Variants in NTRK3 observed in about 807,000 individuals in gnomAD.
The protein encoded by NTRK3 is NT-3 growth factor receptor.
A neutral mutation model predicts 91.7 loss-of-function variants in NTRK3; 24 were observed. That is an observed-to-expected ratio of 0.26 (90% CI 0.19 to 0.37). The LOEUF (loss-of-function observed/expected upper bound fraction) is 0.37, where lower values mean the gene tolerates loss of function less well. Among genes scored for constraint, NTRK3 ranks in the 10% least tolerant of loss-of-function variants. The pLI, the probability that NTRK3 is intolerant of heterozygous loss-of-function variation, is 1.00. For missense variants in NTRK3, 880 were observed against 1,068.9 expected, an observed-to-expected ratio of 0.82 and a Z score of 2.46; for synonymous variants, 483 against 404.0, an observed-to-expected ratio of 1.20 and a Z score of -2.34.
chr15:87,953,001 C>A (rs1052847093), intron 14 of NTRK3, among the ~76,000 whole-genome samples: 3 of 152,186 alleles, frequency 2.0e-5, no homozygotes, highest in Admixed American at 6.5e-5. Context: ...ATTCGTTCCG[C>A]AAGGCCTCCG....
At chr15:88,007,947 T>C (rs1040708981) in intron 14 of NTRK3, among the ~76,000 whole-genome samples, 1 of 152,172 alleles carries the variant, frequency 6.6e-6, no homozygotes, top group African/African-American at 2.4e-5. Context: ...TGTAGCTTCC[T>C]AGAATCATGG....
chr15:88,002,249 C>T (rs1040966659), intron 14 of NTRK3, among the ~76,000 whole-genome samples: 3 of 138,988 alleles, frequency 2.2e-5, no homozygotes, highest in Non-Finnish European at 4.5e-5. Context: ...ACTCCTCAAG[C>T]TATAAAGCAT....
chr15:87,900,788 T>A (rs76435069), intron 17 of NTRK3, among the ~76,000 whole-genome samples: 5,268 of 150,972 alleles, frequency 0.035, 221 homozygotes, highest in African/African-American at 0.097. Flanking sequence ...GGCCCTGCCT[T>A]AGTTTGCATC....
intron 6 of NTRK3, among the ~76,000 whole-genome samples, chr15:88,142,344 A>G (rs970057052): frequency 3.9e-5 from 6 of 152,242 alleles, no homozygotes; most frequent in African/African-American, 1.2e-4. Context: ...AAGCTTACCA[A>G]CACCCGGCAC....
chr15:87,996,199 G>A (rs1478070616), intron 14 of NTRK3, among the ~76,000 whole-genome samples: 2 of 152,032 alleles, frequency 1.3e-5, no homozygotes, highest in African/African-American at 4.8e-5. Context: ...AGGTGAGATC[G>A]CACCACTGCA....
chr15:88,202,386 G>A (rs2048379228), intron 3 of NTRK3, among the ~76,000 whole-genome samples: 1 of 152,190 alleles, frequency 6.6e-6, no homozygotes, highest in Non-Finnish European at 1.5e-5. Context: ...CTCCCAGCCA[G>A]CTGCTCTGTG....
At chr15:88,184,138 G>T in intron 4 of NTRK3, 87 bp downstream of exon 4, 1 of 1,297,272 alleles carries the variant, frequency 7.7e-7, no homozygotes, top group Non-Finnish European at 1.1e-6. Flanking sequence ...CAGTCTTGCT[G>T]TGCCCCTCAC....
intron 17 of NTRK3, among the ~76,000 whole-genome samples, chr15:87,919,991 G>C (rs559452344): frequency 6.6e-6 from 1 of 152,100 alleles, no homozygotes; most frequent in Non-Finnish European, 1.5e-5. Flanking sequence ...ATTACACACA[G>C]AACTTAGTTC....
At chr15:88,065,601 T>G (rs1257567297) in intron 13 of NTRK3, among the ~76,000 whole-genome samples, 1 of 152,194 alleles carries the variant, frequency 6.6e-6, no homozygotes, top group Admixed American at 6.5e-5. Flanking sequence ...TCTGGATGAC[T>G]GTCCCCATGA....
intron 14 of NTRK3, among the ~76,000 whole-genome samples, chr15:88,013,237 C>T (rs1335139678): frequency 1.3e-5 from 2 of 152,124 alleles, no homozygotes; most frequent in African/African-American, 2.4e-5. Flanking sequence ...CAGGTGAAAC[C>T]GTGCACTGGT....
In NTRK3 at chr15:88,033,176, T is replaced by TTATATATATATA. The variant is rs149279639; in HGVS notation, c.1397-143_1397-132dup. The TTATATATATATA allele has an allele frequency of 2.6e-3, 503 of 195,800 alleles. 10 individuals are homozygous for TTATATATATATA. Among genetic ancestry groups the TTATATATATATA allele is most frequent in the African/African-American group, 9.8e-3 (159 of 16,244 alleles). The allele number at this position is 195,800 out of a possible 1,614,324, so 12.1% of individuals were successfully genotyped here. On this transcript the variant is annotated intron_variant, in intron 13 of 18. Coordinates refer to ENST00000394480, the Ensembl canonical transcript of NTRK3. ...CTTTTTTTTACTTTTGGGGGGTGTG[T>TTATATATATATA]TATATATATATATATATATATATAT...
At chr15:88,224,330 G>C (rs1444287012) in intron 3 of NTRK3, among the ~76,000 whole-genome samples, 1 of 152,224 alleles carries the variant, frequency 6.6e-6, no homozygotes, top group Non-Finnish European at 1.5e-5. Context: ...CTGAGGCCTG[G>C]AGAGCAAGTC....
At chr15:88,033,404 G>A (rs777691270) in intron 13 of NTRK3, among the ~76,000 whole-genome samples, 65 of 151,034 alleles carry the variant, frequency 4.3e-4, no homozygotes, top group Non-Finnish European at 7.8e-4. Flanking sequence ...TCTACCTCCT[G>A]GACTCAAGCG....
chr15:88,230,443 T>C (rs1401274071), intron 3 of NTRK3, among the ~76,000 whole-genome samples: 1 of 152,162 alleles, frequency 6.6e-6, no homozygotes, highest in East Asian at 1.9e-4. Flanking sequence ...AAGGGCCCTG[T>C]TTGCCCCCTA....
chr15:88,230,965 A>C (rs2051133387), intron 3 of NTRK3, among the ~76,000 whole-genome samples: 1 of 152,214 alleles, frequency 6.6e-6, no homozygotes, highest in Admixed American at 6.5e-5. Context: ...GAACATGGCC[A>C]AGTCTTGACC....
intron 14 of NTRK3, among the ~76,000 whole-genome samples, chr15:87,945,538 A>T (rs936701791): frequency 1.3e-5 from 2 of 152,098 alleles, no homozygotes; most frequent in Non-Finnish European, 2.9e-5. Flanking sequence ...GAGCCCTGAG[A>T]GGTCAGTGGG....
chr15:88,120,415 A>G (rs759468097), intron 13 of NTRK3, among the ~76,000 whole-genome samples: 22 of 152,362 alleles, frequency 1.4e-4, no homozygotes, highest in Non-Finnish European at 2.5e-4. Flanking sequence ...GCTCATCCGC[A>G]GGCCCATCAG....
At position 87,876,789 on chromosome 15, in the gene NTRK3, T is replaced by C. The variant is rs1322059840; in HGVS notation, c.*146A>G. ...TTTTTCTTTCTTTTTTTTTCCTTTT[T>C]TCAGTGTTGTATGTGTAGCAGGCAC... On this transcript the variant is annotated 3_prime_UTR_variant, in exon 19 of 19. Coordinates refer to ENST00000394480, the Ensembl canonical transcript of NTRK3. The C allele has an allele frequency of 1.1e-5, 10 of 874,954 alleles. No homozygotes were observed. In the East Asian group the frequency reaches 2.4e-4, roughly 21 times the overall value. 54.2% of individuals were successfully genotyped at this position (874,954 alleles called of 1,614,324 possible). A position where few individuals can be genotyped will look rare whatever the true frequency, so the allele number is the denominator to read the frequency against.
At chr15:88,162,463 C>T (rs1165508391) in intron 5 of NTRK3, among the ~76,000 whole-genome samples, 1 of 152,092 alleles carries the variant, frequency 6.6e-6, no homozygotes, top group Non-Finnish European at 1.5e-5. Flanking sequence ...GATCAGCCAG[C>T]AGAAGGAGAG....
Sources: gnomAD v4.1 joint callset for allele counts (sites outside exome capture counted in the v4.1 genomes callset) on GRCh38, gnomAD v4.1.1 for gene constraint, MANE v1.5 for transcripts, NCBI Gene and HGNC (gene_info 2026-07-23, HGNC 2026-07-21) for gene names.